WWC2: variants seen among roughly 807,000 people sequenced by gnomAD.
WWC2 encodes WW and C2 domain containing 2, also known as protein WWC2.
WWC2 carries 101 observed loss-of-function variants against 138.5 expected under a neutral mutation model. That is an observed-to-expected ratio of 0.73 (90% CI 0.62 to 0.86). The LOEUF (loss-of-function observed/expected upper bound fraction) is 0.86, where lower values mean the gene tolerates loss of function less well. WWC2 is among the 40% of genes least tolerant of loss of function. The pLI is 0.00. For synonymous variants in WWC2, 558 were observed against 538.4 expected, an observed-to-expected ratio of 1.04 and a Z score of -0.50; for missense variants, 1,420 against 1,419.4, an observed-to-expected ratio of 1.00 and a Z score of -0.01.
chr4:183,151,096 T>A (rs1034639291), intron 1 of WWC2, among the ~76,000 whole-genome samples: 2 of 152,216 alleles, frequency 1.3e-5, no homozygotes, highest in Non-Finnish European at 2.9e-5. Context: ...TAGTTCTAGA[T>A]CCTTGAGGAA....
intron 21 of WWC2, among the ~76,000 whole-genome samples, chr4:183,291,950 C>G (rs1370622381): frequency 1.3e-5 from 2 of 151,776 alleles, no homozygotes; most frequent in Non-Finnish European, 2.9e-5. Context: ...ATAATTACAG[C>G]TGAGGTGGGA....
intron 22 of WWC2, among the ~76,000 whole-genome samples, chr4:183,313,925 A>T (rs997887629): frequency 6.6e-6 from 1 of 150,894 alleles, no homozygotes; most frequent in Non-Finnish European, 1.5e-5. Flanking sequence ...TTGCGTTTTT[A>T]TTTGGTTTTG....
intron 1 of WWC2, among the ~76,000 whole-genome samples, chr4:183,116,191 G>A (rs1449486389): frequency 6.6e-6 from 1 of 152,030 alleles, no homozygotes; most frequent in Non-Finnish European, 1.5e-5. Context: ...ATGTTCCATT[G>A]GTGTGTGTGT....
chr4:183,313,442 C>T (rs1024767503), intron 22 of WWC2, among the ~76,000 whole-genome samples: 1 of 151,988 alleles, frequency 6.6e-6, no homozygotes, highest in African/African-American at 2.4e-5. Flanking sequence ...AGTGGCTGCC[C>T]TGTGGTGCCA....
chr4:183,173,125 G>T (rs1265688958), intron 1 of WWC2, among the ~76,000 whole-genome samples: 1 of 151,886 alleles, frequency 6.6e-6, no homozygotes, highest in African/African-American at 2.4e-5. Context: ...GCTCACTGCA[G>T]CCTTGACCTC....
Position 183,245,538 on chromosome 4 carries a change from T to A in WWC2, c.725T>A (p.Leu242Gln). The part of the protein sequence containing the change: ...ISSGEKEKQD[L>Q]MQSLAKLQER... ...TCAGGAGAAAAAGAAAAACAAGATC[T>A]GATGCAGGTACATTATAAAACATTT... is the stretch of plus-strand genomic sequence containing the variant. The change falls in exon 6 of 23, where the codon CTG (leucine) becomes CAG (glutamine). Residue 242 changes from leucine (L) to glutamine (Q), a missense_variant. Transcript: ENST00000403733. 6.3e-7 allele frequency: 1 copy of A among 1,588,872 alleles called. No homozygotes were observed. Among genetic ancestry groups the A allele is most frequent in the Non-Finnish European group, 8.5e-7 (1 of 1,171,908 alleles).
chr4:183,184,228 A>G (rs1212477674), intron 1 of WWC2, among the ~76,000 whole-genome samples: 1 of 152,178 alleles, frequency 6.6e-6, no homozygotes, highest in Non-Finnish European at 1.5e-5. Flanking sequence ...GAATCGTACC[A>G]TATGTGACAT....
At chr4:183,247,237 C>T (rs1229604989) in intron 6 of WWC2, among the ~76,000 whole-genome samples, 2 of 151,932 alleles carry the variant, frequency 1.3e-5, no homozygotes, top group East Asian at 3.9e-4. Flanking sequence ...AATATGCCTA[C>T]TCTTAAACTG....
intron 12 of WWC2, 33 bp from the exon 13 acceptor site, chr4:183,265,655 A>G (rs1209312379): frequency 1.3e-6 from 2 of 1,577,770 alleles, no homozygotes; most frequent in Admixed American, 1.8e-5. Flanking sequence ...TAACCCCATT[A>G]ATTAACTGTT....
chr4:183,220,839 G>GAAA lies in WWC2; in HGVS notation c.522+11826_522+11828dup, dbSNP rs796202588. On this transcript the variant is annotated intron_variant, in intron 4 of 22. Coordinates refer to ENST00000403733, the MANE Select transcript of WWC2 (RefSeq NM_024949.6). ...ACAGAGCGAGACTCCGTCTCAAAAA[G>GAAA]AAAAAAAAAAAAAAGGTAACACTTT... Among the ~76,000 whole-genome samples, 5 of 79,852 alleles carry GAAA rather than the reference G, an allele frequency of 6.3e-5. No homozygotes were observed. In the South Asian group the frequency reaches 2.0e-3, roughly 32 times the overall value. 52.4% of individuals were successfully genotyped at this position (79,852 alleles called of 152,430 possible). A position where few individuals can be genotyped will look rare whatever the true frequency, so the allele number is the denominator to read the frequency against.
chr4:183,299,699 C>G (rs1279708593), intron 21 of WWC2, among the ~76,000 whole-genome samples: 2 of 152,188 alleles, frequency 1.3e-5, no homozygotes, highest in Non-Finnish European at 2.9e-5. Context: ...ACACCAGCAC[C>G]TGCACACATG....
intron 1 of WWC2, among the ~76,000 whole-genome samples, chr4:183,167,738 G>C (rs1288985715): frequency 1.3e-5 from 2 of 152,076 alleles, no homozygotes; most frequent in African/African-American, 4.8e-5. Flanking sequence ...CTGTAGCTTT[G>C]GGAACAGGAA....
Position 183,265,890 on chromosome 4 carries a change from A to C in WWC2, c.2146A>C (p.Met716Leu), listed in dbSNP as rs147651744. ...LRYNAKSSSF[M>L]VIIAQLRNLH... is the part of the protein sequence containing the mutation. Reference sequence around the variant, plus strand: ...ATACAATGCAAAAAGTTCAAGTTTCATGGTGATTATAGCACAGCTCCGAAA... The same window carrying C: ...ATACAATGCAAAAAGTTCAAGTTTCCTGGTGATTATAGCACAGCTCCGAAA... Residue 716 changes from methionine (M) to leucine (L), a missense_variant, in exon 14 of 23, where the codon ATG (methionine) becomes CTG (leucine). Transcript: ENST00000403733. 2.0e-3 allele frequency: 3,186 copies of C among 1,613,346 alleles called. 78 individuals are homozygous for C. The South Asian group carries it at 0.033, about 17-fold the overall frequency.
intron 1 of WWC2, among the ~76,000 whole-genome samples, chr4:183,131,075 A>G (rs951146301): frequency 7.2e-5 from 11 of 152,230 alleles, no homozygotes; most frequent in African/African-American, 2.6e-4. Flanking sequence ...GACCCACACA[A>G]TTGTGGACAT....
At chr4:183,127,078 G>A (rs1445986428) in intron 1 of WWC2, among the ~76,000 whole-genome samples, 1 of 151,994 alleles carries the variant, frequency 6.6e-6, no homozygotes, top group East Asian at 1.9e-4. Context: ...AAAGTCATGA[G>A]AATTACAAAT....
rs962725873 is a variant in WWC2, at chr4:183,315,787, A to T, written c.*58A>T. The T allele has an allele frequency of 4.9e-6, 7 of 1,420,580 alleles. No homozygotes were observed. In the Admixed American group the frequency reaches 6.6e-5, roughly 13 times the overall value. The allele number at this position is 1,420,580 out of a possible 1,614,324, so 88.0% of individuals were successfully genotyped here. A position where few individuals can be genotyped will look rare whatever the true frequency, so the allele number is the denominator to read the frequency against. ...TTCACTTTCTTAGGGAGGGTAAAAG[A>T]CTGAAGATTTGTGTTTTTGTTTTGG... On this transcript the variant is annotated 3_prime_UTR_variant, in exon 23 of 23. Coordinates refer to ENST00000403733, the MANE Select transcript of WWC2 (RefSeq NM_024949.6).
chr4:183,279,510 T>C (rs533729743), intron 16 of WWC2, among the ~76,000 whole-genome samples: 20 of 152,312 alleles, frequency 1.3e-4, no homozygotes, highest in African/African-American at 4.8e-4. Flanking sequence ...TAGGGAGGAT[T>C]CCCTCTTTTT....
chr4:183,245,408 T>C lies in WWC2; in HGVS notation c.603-8T>C, dbSNP rs1229851264. 6.5e-7 allele frequency: 1 copy of C among 1,531,492 alleles called. No homozygotes were observed. Among genetic ancestry groups the C allele is most frequent in the Non-Finnish European group, 8.7e-7 (1 of 1,147,384 alleles). The allele number at this position is 1,531,492 out of a possible 1,614,324, so 94.9% of individuals were successfully genotyped here. The stretch of plus-strand genomic sequence containing the variant: ...TGATATTTTTTCTTTCTTTTTCTCT[T>C]TTCACAGAATTGATAAAAAAATGTC... On this transcript the variant is annotated splice_region_variant and splice_polypyrimidine_tract_variant and intron_variant, in intron 5 of 22. Coordinates refer to ENST00000403733, the MANE Select transcript of WWC2 (RefSeq NM_024949.6).
rs1216778064 is a variant in WWC2 at position 183,193,660 on chromosome 4, G to A, written c.193G>A (p.Ala65Thr). 3 of 1,613,910 alleles carry A rather than the reference G, an allele frequency of 1.9e-6. No homozygotes were observed. Among genetic ancestry groups the A allele is most frequent in the Admixed American group, 3.3e-5 (2 of 60,012 alleles). Residue 65 changes from alanine to threonine, a missense_variant, in exon 2 of 23, where the codon GCA becomes ACA. By Grantham distance (58) the Ala-to-Thr change is moderately conservative. Coordinates refer to ENST00000403733, the MANE Select transcript of WWC2 (RefSeq NM_024949.6). ...VGDELPWGWE[A>T]GFDPQIGVYY... Reference sequence around the variant, plus strand: ...GGATGAGCTGCCGTGGGGATGGGAAGCAGGGTTTGACCCTCAGATTGGTGT... The same window carrying A: ...GGATGAGCTGCCGTGGGGATGGGAAACAGGGTTTGACCCTCAGATTGGTGT...
Sources: allele counts gnomAD v4.1 joint callset (sites outside exome capture counted in the v4.1 genomes callset), GRCh38; gene constraint gnomAD v4.1.1; transcripts MANE v1.5; gene names NCBI Gene and HGNC (gene_info 2026-07-23, HGNC 2026-07-21).